Variants in PDCD1 observed in about 807,000 individuals in gnomAD.
PDCD1 encodes the protein programmed cell death protein 1.
In PDCD1, 10 loss-of-function variants were observed where a neutral mutation model predicts 23.6. The observed-to-expected ratio is 0.42, with a 90% CI of 0.26 to 0.72. The LOEUF is 0.72. PDCD1 is among the 30% of genes least tolerant of loss of function. PDCD1 has a pLI of 0.24. For missense variants in PDCD1, 313 were observed against 397.8 expected, an observed-to-expected ratio of 0.79 and a Z score of 1.81; for synonymous variants, 168 against 169.3, an observed-to-expected ratio of 0.99 and a Z score of 0.06.
chr2:241,850,736 G>A lies in PDCD1; in HGVS notation c.*322C>T. ...CCCCGGGCCGCAGGCAGCAGCAGCA[G>A]CAGCAGCAGCAGCAGCAGAGATTCA... On this transcript the variant is annotated 3_prime_UTR_variant, in exon 5 of 5. Coordinates refer to ENST00000334409, the MANE Select transcript of PDCD1 (RefSeq NM_005018.3). The A allele has an allele frequency of 1.7e-6, 1 of 602,424 alleles. No individual in the cohort carries two copies. Among genetic ancestry groups the A allele is most frequent in the Non-Finnish European group, 3.1e-6 (1 of 321,872 alleles). The allele number at this position is 602,424 out of a possible 1,614,324, so 37.3% of individuals were successfully genotyped here. A position where few individuals can be genotyped will look rare whatever the true frequency, so the allele number is the denominator to read the frequency against.
intron 1 of PDCD1, among the ~76,000 whole-genome samples, chr2:241,853,821 C>T (rs1198771321): frequency 6.6e-6 from 1 of 152,270 alleles, no homozygotes; most frequent in Non-Finnish European, 1.5e-5. Flanking sequence ...CCCACAGGTC[C>T]CATGCCACAG....
Position 241,854,740 on chromosome 2 carries a change from C to T in PDCD1, c.77-1760G>A, listed in dbSNP as rs143321972. On this transcript the variant is annotated intron_variant, in intron 1 of 4. Coordinates refer to ENST00000334409, the MANE Select transcript of PDCD1 (RefSeq NM_005018.3). ...GGCCCCACCACCGCAGGCAGCCCCTCGGGGTCTCCATCTCCCAGGCCAGGG... is the reference window on the plus strand; with the variant it reads ...GGCCCCACCACCGCAGGCAGCCCCTTGGGGTCTCCATCTCCCAGGCCAGGG... Among the ~76,000 whole-genome samples, 230 of 152,146 alleles carry T rather than the reference C, an allele frequency of 1.5e-3. 1 individual carries two copies. The highest frequency in any genetic ancestry group is 4.8e-3 in the African/African-American group (199 of 41,518).
intron 1 of PDCD1, among the ~76,000 whole-genome samples, chr2:241,857,427 C>A (rs973318719): frequency 2.6e-5 from 4 of 152,118 alleles, no homozygotes; most frequent in African/African-American, 9.7e-5. Flanking sequence ...GGTGGCGTCC[C>A]GAGGGCGTGC....
At chr2:241,851,680 C>T (rs577509707) in intron 4 of PDCD1, among the ~76,000 whole-genome samples, 15 of 151,780 alleles carry the variant, frequency 9.9e-5, no homozygotes, top group African/African-American at 3.2e-4. Flanking sequence ...CCCCAGAGAC[C>T]GCAGGCGGGC....
At chr2:241,857,194 C>T (rs1344797904) in intron 1 of PDCD1, among the ~76,000 whole-genome samples, 1 of 152,220 alleles carries the variant, frequency 6.6e-6, no homozygotes, top group Non-Finnish European at 1.5e-5. Context: ...AAGAGGCATC[C>T]TGGAATGAAG....
Position 241,852,697 on chromosome 2 carries a change from G to A in PDCD1, c.360C>T (p.Thr120=), listed in dbSNP as rs186074812. 1 of 1,613,646 alleles carries A rather than the reference G, an allele frequency of 6.2e-7. No individual in the cohort carries two copies. Among genetic ancestry groups the A allele is most frequent in the East Asian group, 2.2e-5 (1 of 44,886 alleles). The change falls in exon 2 of 5, where the codon ACC becomes ACT. Residue 120 remains threonine (T), a synonymous_variant. Transcript: ENST00000334409. ...CCAGGGAGATGGCCCCACAGAGGTAGGTGCCGCTGTCATTGCGCCGGGCCC... is the reference window on the plus strand; with the variant it reads ...CCAGGGAGATGGCCCCACAGAGGTAAGTGCCGCTGTCATTGCGCCGGGCCC... ...VVRARRNDSG[T]YLCGAISLAP... is the part of the protein sequence containing the mutation.
At position 241,852,809 on chromosome 2, in the gene PDCD1, G is replaced by A; in HGVS notation, c.248C>T (p.Pro83Leu). 6.2e-7 allele frequency: 1 copy of A among 1,613,314 alleles called. No homozygotes were observed. ...CTGGCCGGGCTGGCTGCGGTCCTCG[G>A]GGAAGGCGGCCAGCTTGTCCGTCTG... ...SNQTDKLAAF[P>L]EDRSQPGQDC... The change falls in exon 2 of 5, where the codon CCC (proline) becomes CTC (leucine). Residue 83 changes from proline to leucine, a missense_variant. Physicochemically the swap from Pro to Leu is moderately conservative, Grantham distance 98. Transcript: ENST00000334409.
At chr2:241,855,289 C>T (rs1369660404) in intron 1 of PDCD1, among the ~76,000 whole-genome samples, 1 of 152,020 alleles carries the variant, frequency 6.6e-6, no homozygotes, top group African/African-American at 2.4e-5. Context: ...GAGACTGGCT[C>T]CCACCCAGTG....
Position 241,855,866 on chromosome 2 carries a change from T to TGC in PDCD1, c.77-2887_77-2886insGC, listed in dbSNP as rs1701014409. On this transcript the variant is annotated intron_variant, in intron 1 of 4. Transcript: ENST00000334409. ...AACTCCTCACAGTCGTGTGTGTGTG[T>TGC]GGAGGTGGGAAGGGCTGTGGGCCGA... Among the ~76,000 whole-genome samples the TGC allele has an allele frequency of 2.6e-5, 4 of 151,992 alleles. No homozygotes were observed. In the South Asian group the frequency reaches 6.2e-4, roughly 24 times the overall value.
chr2:241,855,576 C>A (rs946365573), intron 1 of PDCD1, among the ~76,000 whole-genome samples: 5 of 152,160 alleles, frequency 3.3e-5, no homozygotes, highest in Non-Finnish European at 7.4e-5. Flanking sequence ...GGAGACAGAG[C>A]CCATCCCGGG....
chr2:241,852,384 C>A (rs764613070), intron 2 of PDCD1, 31 bp from the exon 3 acceptor site: 9 of 1,459,096 alleles, frequency 6.2e-6, no homozygotes, highest in Admixed American at 1.8e-5. Flanking sequence ...GGGGTTAGGA[C>A]GGGGTCAGGG....
rs1700878572 is a variant in PDCD1 at position 241,850,559 on chromosome 2, C to G, written c.*499G>C. 5.2e-6 allele frequency: 2 copies of G among 385,718 alleles called. No homozygotes were observed. Among genetic ancestry groups the G allele is most frequent in the South Asian group, 5.8e-5 (2 of 34,520 alleles). 23.9% of individuals were successfully genotyped at this position (385,718 alleles called of 1,614,324 possible). A position where few individuals can be genotyped will look rare whatever the true frequency, so the allele number is the denominator to read the frequency against. ...GGGGAGTCCCCAGCCCCATGTACCT[C>G]CCACTCCTGTGCCCAGTCTTGGGCC... On this transcript the variant is annotated 3_prime_UTR_variant, in exon 5 of 5. Transcript: ENST00000334409.
At chr2:241,854,719 C>T (rs1396229853) in intron 1 of PDCD1, among the ~76,000 whole-genome samples, 1 of 152,156 alleles carries the variant, frequency 6.6e-6, no homozygotes, top group African/African-American at 2.4e-5. Flanking sequence ...CCCAGGGGCC[C>T]CACCACCGCA....
rs1278601637 is a variant in PDCD1, at chr2:241,852,998, G to A, written c.77-18C>T. 6.5e-7 allele frequency: 1 copy of A among 1,539,094 alleles called. No individual in the cohort carries two copies. Among genetic ancestry groups the A allele is most frequent in the Admixed American group, 1.9e-5 (1 of 51,614 alleles). On this transcript the variant is annotated intron_variant, in intron 1 of 4. Transcript: ENST00000334409. The stretch of plus-strand genomic sequence containing the variant: ...TGGGGAGTCTGAGAGATGGAGAGAG[G>A]TGAGGAAGGGGCTGGGTGGCCCCAC...
intron 1 of PDCD1, among the ~76,000 whole-genome samples, chr2:241,854,861 G>A (rs1700988055): frequency 6.6e-6 from 1 of 152,224 alleles, no homozygotes; most frequent in African/African-American, 2.4e-5. Context: ...AAGTGCTAAG[G>A]GACCCCCCAG....
chr2:241,853,492 G>A (rs1200649401), intron 1 of PDCD1, among the ~76,000 whole-genome samples: 1 of 152,272 alleles, frequency 6.6e-6, no homozygotes, highest in Non-Finnish European at 1.5e-5. Context: ...CTGGGACCAC[G>A]TGGTATGGGC....
At position 241,850,178 on chromosome 2, in the gene PDCD1, C is replaced by T; in HGVS notation, c.*880G>A. On this transcript the variant is annotated 3_prime_UTR_variant, in exon 5 of 5. Transcript: ENST00000334409. ...GCTCCCAGGGTGGGCACATGGGGGG[C>T]CCTAGGTGCCTGCACTTCTGCCCTC... 2 of 232,926 alleles carry T rather than the reference C, an allele frequency of 8.6e-6. No homozygotes were observed. The highest frequency in any genetic ancestry group is 1.7e-5 in the Non-Finnish European group (2 of 117,930). The allele number at this position is 232,926 out of a possible 1,614,324, so 14.4% of individuals were successfully genotyped here.
At chr2:241,855,710 C>T (rs929598943) in intron 1 of PDCD1, among the ~76,000 whole-genome samples, 3 of 152,220 alleles carry the variant, frequency 2.0e-5, no homozygotes, top group African/African-American at 4.8e-5. Context: ...AACCTGCTGG[C>T]CCAGACCAGA....
At position 241,850,657 on chromosome 2, in the gene PDCD1, C is replaced by G. The variant is rs569664740; in HGVS notation, c.*401G>C. The G allele has an allele frequency of 1.4e-5, 7 of 484,022 alleles. No individual in the cohort carries two copies. The highest frequency in any genetic ancestry group is 2.3e-5 in the Non-Finnish European group (6 of 260,968). The allele number at this position is 484,022 out of a possible 1,614,324, so 30.0% of individuals were successfully genotyped here. A position where few individuals can be genotyped will look rare whatever the true frequency, so the allele number is the denominator to read the frequency against. On this transcript the variant is annotated 3_prime_UTR_variant, in exon 5 of 5. Transcript: ENST00000334409. ...GCTCCAAGGCCATCTCCAACCAGCCCCCAAGTTCAGGCAGGAGGCTCCGGG... is the reference window on the plus strand; with the variant it reads ...GCTCCAAGGCCATCTCCAACCAGCCGCCAAGTTCAGGCAGGAGGCTCCGGG...
Sources: allele counts gnomAD v4.1 joint callset (sites outside exome capture counted in the v4.1 genomes callset), GRCh38; gene constraint gnomAD v4.1.1; transcripts MANE v1.5; gene names NCBI Gene and HGNC (gene_info 2026-07-23, HGNC 2026-07-21).